CYP26B1: variants seen among roughly 807,000 people sequenced by gnomAD.
CYP26B1 encodes cytochrome P450 26B1.
A neutral mutation model predicts 39.1 loss-of-function variants in CYP26B1; 8 were observed. The observed-to-expected ratio is 0.20, with a 90% CI of 0.12 to 0.37. CYP26B1 has a LOEUF of 0.37. Ranked by LOEUF, CYP26B1 falls within the 10% of genes least tolerant of loss-of-function variation. The pLI, the probability that CYP26B1 is intolerant of heterozygous loss-of-function variation, is 1.00. For synonymous variants in CYP26B1, 321 were observed against 314.3 expected (o/e 1.02, Z -0.23); for missense variants, 615 against 707.0 (o/e 0.87, Z 1.48).
chr2:72,143,967 A>G (rs750893572), intron 2 of CYP26B1, 22 bp downstream of exon 2: 40 of 1,612,760 alleles, frequency 2.5e-5, no homozygotes, highest in Middle Eastern at 3.3e-4. Context: ...ATTGCGCGGA[A>G]GAAAACGGGC....
At chr2:72,138,583 A>T (rs761246227) in intron 2 of CYP26B1, among the ~76,000 whole-genome samples, 2 of 152,222 alleles carry the variant, frequency 1.3e-5, no homozygotes, top group African/African-American at 2.4e-5. Context: ...ATGCTGGACA[A>T]AGGTCACTGG....
intron 2 of CYP26B1, 89 bp from the exon 3 acceptor site, chr2:72,135,508 G>A: frequency 1.3e-6 from 2 of 1,562,170 alleles, no homozygotes; most frequent in Non-Finnish European, 8.7e-7. Context: ...GAATGTGACT[G>A]GAGAGAACTT....
At position 72,144,119 on chromosome 2, in the gene CYP26B1, T is replaced by C. The variant is rs1282504686; in HGVS notation, c.299A>G (p.Glu100Gly). 1 of 1,611,884 alleles carries C rather than the reference T, an allele frequency of 6.2e-7. No individual in the cohort carries two copies. The highest frequency in any genetic ancestry group is 1.7e-4 in the Middle Eastern group (1 of 6,060). The change falls in exon 2 of 6, where the codon GAG (glutamate) becomes GGG (glycine). Residue 100 changes from glutamate (E) to glycine (G), a missense_variant. Glu to Gly is a moderately conservative substitution (Grantham distance 98). Coordinates refer to ENST00000001146, the MANE Select transcript of CYP26B1 (RefSeq NM_019885.4). ...GRPLIRVTGA[E>G]NVRKILMGEH... ...GCCCATGAGGATCTTGCGCACGTTC[T>C]CCGCGCCGGTCACGCGTATCAGCGG...
chr2:72,146,665 T>C (rs1445678536), intron 1 of CYP26B1, among the ~76,000 whole-genome samples: 1 of 152,214 alleles, frequency 6.6e-6, no homozygotes, highest in African/African-American at 2.4e-5. Context: ...TTTCAGGACA[T>C]CCCTGCTTCC....
Position 72,132,084 on chromosome 2 carries a change from G to T in CYP26B1, c.*143C>A. The stretch of plus-strand genomic sequence containing the variant: ...ATGGGGCCCACTGGCTTTGGGTAGG[G>T]TTTGCCAGGGAGGGGGAGCAAGGGA... On this transcript the variant is annotated 3_prime_UTR_variant, in exon 6 of 6. Coordinates refer to ENST00000001146, the MANE Select transcript of CYP26B1 (RefSeq NM_019885.4). 1 of 970,244 alleles carries T rather than the reference G, an allele frequency of 1.0e-6. No individual in the cohort carries two copies. Among genetic ancestry groups the T allele is most frequent in the Non-Finnish European group, 1.5e-6 (1 of 658,420 alleles). The allele number at this position is 970,244 out of a possible 1,614,324, so 60.1% of individuals were successfully genotyped here.
Position 72,132,119 on chromosome 2 carries a change from T to TG in CYP26B1, c.*107dup, listed in dbSNP as rs1365293612. The stretch of plus-strand genomic sequence containing the variant: ...GAGGGGGAGCAAGGGAGGGCAAGTA[T>TG]GGGGGCCACTCGCCCTCCCCGTTCC... On this transcript the variant is annotated 3_prime_UTR_variant, in exon 6 of 6. Coordinates refer to ENST00000001146, the MANE Select transcript of CYP26B1 (RefSeq NM_019885.4). 2.3e-6 allele frequency: 3 copies of TG among 1,280,694 alleles called. No homozygotes were observed. Among genetic ancestry groups the TG allele is most frequent in the Non-Finnish European group, 3.3e-6 (3 of 917,400 alleles). 79.3% of individuals were successfully genotyped at this position (1,280,694 alleles called of 1,614,324 possible). A position where few individuals can be genotyped will look rare whatever the true frequency, so the allele number is the denominator to read the frequency against.
intron 2 of CYP26B1, 49 bp downstream of exon 2, chr2:72,143,940 C>A: frequency 6.2e-7 from 1 of 1,606,204 alleles, no homozygotes; most frequent in Non-Finnish European, 8.5e-7. Context: ...AACTCCTTGC[C>A]CCGAGGTGGG....
At chr2:72,145,594 C>T (rs1345036844) in intron 1 of CYP26B1, among the ~76,000 whole-genome samples, 1 of 152,238 alleles carries the variant, frequency 6.6e-6, no homozygotes, top group Non-Finnish European at 1.5e-5. Context: ...ATACCCGTCT[C>T]CCTCGCTCCG....
intron 2 of CYP26B1, among the ~76,000 whole-genome samples, chr2:72,142,756 G>A (rs1040841753): frequency 2.6e-5 from 4 of 152,098 alleles, no homozygotes; most frequent in African/African-American, 9.7e-5. Context: ...CTCCTCTCCC[G>A]CCGCCCCCAG....
intron 1 of CYP26B1, chr2:72,144,536 C>G: frequency 8.8e-7 from 1 of 1,134,450 alleles, no homozygotes; most frequent in Non-Finnish European, 1.1e-6. Flanking sequence ...ACCCCCACCC[C>G]CACACCCCCA....
chr2:72,132,996 C>A (rs764275427), intron 5 of CYP26B1, 27 bp downstream of exon 5: 2 of 1,612,906 alleles, frequency 1.2e-6, no homozygotes, highest in South Asian at 2.2e-5. Flanking sequence ...TCCCCCATCG[C>A]CCCCGGTGCC....
intron 2 of CYP26B1, among the ~76,000 whole-genome samples, chr2:72,141,377 A>G (rs1676937722): frequency 2.0e-5 from 3 of 152,168 alleles, no homozygotes; most frequent in South Asian, 4.1e-4. Flanking sequence ...CAGGGCAGCC[A>G]GGGCAAACAC....
Position 72,131,897 on chromosome 2 carries a change from G to A in CYP26B1, c.*330C>T. On this transcript the variant is annotated 3_prime_UTR_variant, in exon 6 of 6. Transcript: ENST00000001146. ...GGGTCCGAAAGGAACGGAGGGAAGG[G>A]AGCAGTTCAGAACATCACAAAAACA... 1 of 348,658 alleles carries A rather than the reference G, an allele frequency of 2.9e-6. No homozygotes were observed. Among genetic ancestry groups the A allele is most frequent in the Non-Finnish European group, 5.3e-6 (1 of 187,532 alleles). 21.6% of individuals were successfully genotyped at this position (348,658 alleles called of 1,614,324 possible). A position where few individuals can be genotyped will look rare whatever the true frequency, so the allele number is the denominator to read the frequency against.
chr2:72,132,690 C>T, intron 5 of CYP26B1, 71 bp from the exon 6 acceptor site: 1 of 1,535,368 alleles, frequency 6.5e-7, no homozygotes, highest in African/African-American at 1.4e-5. Context: ...CAGGACTGCC[C>T]CCTCCCTGCT....
At chr2:72,141,718 A>C (rs1009826134) in intron 2 of CYP26B1, among the ~76,000 whole-genome samples, 2 of 152,254 alleles carry the variant, frequency 1.3e-5, no homozygotes, top group Non-Finnish European at 2.9e-5. Context: ...AATCATGGAT[A>C]TTTAGAAACA....
At chr2:72,137,979 G>T (rs1308745094) in intron 2 of CYP26B1, among the ~76,000 whole-genome samples, 2 of 152,196 alleles carry the variant, frequency 1.3e-5, no homozygotes, top group Non-Finnish European at 2.9e-5. Context: ...GCCCCTCCTG[G>T]AGCTGTTTCC....
chr2:72,137,880 G>C (rs1204156589), intron 2 of CYP26B1, among the ~76,000 whole-genome samples: 4 of 152,198 alleles, frequency 2.6e-5, no homozygotes, highest in Admixed American at 2.6e-4. Flanking sequence ...GGCCCCTGAG[G>C]CTGGGGCTTC....
rs775903624 is a variant in CYP26B1 at position 72,133,035 on chromosome 2, G to C, written c.1134C>G (p.Thr378=). ...GGCCCAGCCTCACATCAAGCTCGAA[G>C]GTCTGCAGCACAGTGCGGTAGCCGC... is the stretch of plus-strand genomic sequence containing the variant. ...ISGGYRTVLQ[T]FELDGFQIPK... is the part of the protein sequence containing the mutation. Residue 378 remains threonine, a synonymous_variant, in exon 5 of 6, where the codon ACC becomes ACG. Transcript: ENST00000001146. 5 of 1,613,242 alleles carry C rather than the reference G, an allele frequency of 3.1e-6. No homozygotes were observed. In the East Asian group the frequency reaches 1.1e-4, roughly 36 times the overall value.
intron 1 of CYP26B1, 79 bp from the exon 2 acceptor site, chr2:72,144,292 C>T (rs1273370549): frequency 1.3e-5 from 20 of 1,542,670 alleles, no homozygotes; most frequent in Non-Finnish European, 1.8e-5. Flanking sequence ...GGACCCCAAC[C>T]CGGGGTACAG....
Sources: allele counts gnomAD v4.1 joint callset (sites outside exome capture counted in the v4.1 genomes callset), GRCh38; gene constraint gnomAD v4.1.1; transcripts MANE v1.5; gene names NCBI Gene and HGNC (gene_info 2026-07-23, HGNC 2026-07-21).